The following SASH1 variants were observed in gnomAD, a reference collection of about 807,000 sequenced individuals.
SASH1 encodes the protein SAM and SH3 domain containing 1, also known as SAM and SH3 domain-containing protein 1.
Under a neutral mutation model 125.2 loss-of-function variants are expected in SASH1, and 44 were observed. The ratio of observed to expected loss-of-function variants is 0.35; its 90% CI spans 0.28 to 0.45. SASH1 has a LOEUF of 0.45. Among genes scored for constraint, SASH1 ranks in the 20% least tolerant of loss-of-function variants. The pLI, the probability that SASH1 is intolerant of heterozygous loss-of-function variation, is 1.00. For missense variants in SASH1, 1,426 were observed against 1,614.5 expected (o/e 0.88, Z 2.00); for synonymous variants, 639 against 649.1 (o/e 0.98, Z 0.24).
intron 1 of SASH1, among the ~76,000 whole-genome samples, chr6:148,344,916 C>T (rs944580954): frequency 1.2e-4 from 18 of 152,044 alleles, no homozygotes; most frequent in Non-Finnish European, 2.4e-4. Context: ...ACACCACACC[C>T]GGCTGATTTT....
At chr6:148,470,085 C>T (rs1203877634) in intron 5 of SASH1, among the ~76,000 whole-genome samples, 1 of 151,742 alleles carries the variant, frequency 6.6e-6, no homozygotes, top group African/African-American at 2.4e-5. Flanking sequence ...AATGAATATT[C>T]CCGAACTGTC....
At chr6:148,520,066 C>T (rs1026693056) in intron 10 of SASH1, 173 bp downstream of exon 10, 39 of 594,952 alleles carry the variant, frequency 6.6e-5, no homozygotes, top group African/African-American at 5.9e-4. Context: ...AAAGGCGTCA[C>T]CAGCACCACC....
intron 1 of SASH1, among the ~76,000 whole-genome samples, chr6:148,319,677 A>G (rs6936031): frequency 1.3e-5 from 2 of 151,784 alleles, no homozygotes; most frequent in Non-Finnish European, 2.9e-5. Flanking sequence ...ACCACGCCCA[A>G]CTAATTTTGT....
intron 1 of SASH1, among the ~76,000 whole-genome samples, chr6:148,317,707 G>A (rs1007449896): frequency 6.6e-6 from 1 of 152,188 alleles, no homozygotes; most frequent in Middle Eastern, 3.2e-3. Flanking sequence ...TTACAGTCGT[G>A]AGCCACGGCG....
intron 2 of SASH1, among the ~76,000 whole-genome samples, chr6:148,407,953 C>A (rs1784444627): frequency 2.0e-5 from 3 of 151,830 alleles, no homozygotes; most frequent in Non-Finnish European, 4.4e-5. Context: ...TTTTGAGGAA[C>A]CTCCATACTG....
intron 4 of SASH1, among the ~76,000 whole-genome samples, chr6:148,442,113 G>A (rs951266827): frequency 6.6e-6 from 1 of 152,162 alleles, no homozygotes; most frequent in African/African-American, 2.4e-5. Context: ...ATGGCTGGGT[G>A]CAGTGGCTCA....
At chr6:148,260,795 G>GTTTTT in the SASH1 span, among the ~76,000 whole-genome samples, 19 of 111,242 alleles carry the variant, frequency 1.7e-4, no homozygotes, top group South Asian at 2.8e-4. Flanking sequence ...TCCTATAAGG[G>GTTTTT]CTTTTTTTTT....
chr6:148,327,287 C>A lies in SASH1; in HGVS notation n.74+54910C>A, dbSNP rs183117281. On this transcript the variant is annotated intron_variant and non_coding_transcript_variant, in intron 1 of 3. Coordinates refer to the SASH1 transcript ENST00000367469. ...TGAATGACACATACAATATAAATTT[C>A]TTTTTTTTTTTTTTTGAGATGGAGT... Among the ~76,000 whole-genome samples the A allele has an allele frequency of 7.9e-3, 1,117 of 141,002 alleles. 12 individuals are homozygous for A. The highest frequency in any genetic ancestry group is 0.027 in the African/African-American group (1,045 of 38,672). The allele number at this position is 141,002 out of a possible 152,430, so 92.5% of individuals were successfully genotyped here.
At position 148,362,135 on chromosome 6, in the gene SASH1, G is replaced by T. The variant is rs373976672; in HGVS notation, c.156+18912G>T. 1.3e-4 allele frequency among the ~76,000 whole-genome samples: 19 copies of T among 151,502 alleles called. 1 individual carries two copies. Among genetic ancestry groups the T allele is most frequent in the Non-Finnish European group, 2.5e-4 (17 of 67,922 alleles). On this transcript the variant is annotated intron_variant, in intron 1 of 19. Transcript: ENST00000367467. ...GTAGAGACGGGGTTTCTCCGTGTTA[G>T]CCAGGATGGTCTCGATATCCTGACC...
At chr6:148,510,564 ATCTT>A (rs1284051150) in intron 8 of SASH1, among the ~76,000 whole-genome samples, 1 of 152,192 alleles carries the variant, frequency 6.6e-6, no homozygotes. Flanking sequence ...GATTTCCTCT[ATCTT>A]CTACGAAGTT....
the SASH1 span, among the ~76,000 whole-genome samples, chr6:148,244,196 G>A: frequency 1.3e-5 from 2 of 152,156 alleles, no homozygotes; most frequent in Non-Finnish European, 2.9e-5. Flanking sequence ...CTGCATCCAT[G>A]TGGCAAGGCC....
At chr6:148,341,194 AG>A (rs1464651240), upstream of SASH1, among the ~76,000 whole-genome samples, 2 of 152,022 alleles carry the variant, frequency 1.3e-5, no homozygotes, top group Non-Finnish European at 2.9e-5. Context: ...TCTGTCACCC[AG>A]GCTGGAGTGC....
chr6:148,407,806 T>C (rs1784437133), intron 2 of SASH1, among the ~76,000 whole-genome samples: 1 of 152,078 alleles, frequency 6.6e-6, no homozygotes, highest in South Asian at 2.1e-4. Context: ...CTAATTTTTG[T>C]ATTTTTGGTA....
In SASH1 at chr6:148,531,840, TGCA is replaced by T. The variant is rs556325875; in HGVS notation, c.1564+191_1564+193del. On this transcript the variant is annotated intron_variant, in intron 13 of 19. Transcript: ENST00000367467. ...AGTCGTGTTTGTTTATTAGTAGACATGCAGCAGCAGCAGCCCAAAACAGGAGGT... is the reference window on the plus strand; with the variant it reads ...AGTCGTGTTTGTTTATTAGTAGACATGCAGCAGCAGCCCAAAACAGGAGGT... Among the ~76,000 whole-genome samples, 37 of 144,504 alleles carry T rather than the reference TGCA, an allele frequency of 2.6e-4. 2 individuals are homozygous for T. In the South Asian group the frequency reaches 9.3e-3, roughly 36 times the overall value. The allele number at this position is 144,504 out of a possible 152,430, so 94.8% of individuals were successfully genotyped here. A position where few individuals can be genotyped will look rare whatever the true frequency, so the allele number is the denominator to read the frequency against.
chr6:148,334,982 A>C (rs1443212810), intron 1 of SASH1, among the ~76,000 whole-genome samples: 1 of 149,780 alleles, frequency 6.7e-6, no homozygotes, highest in Non-Finnish European at 1.5e-5. Flanking sequence ...TCAAAAAAAA[A>C]AAAAAAAGAA....
chr6:148,488,470 T>C (rs1337565059), intron 8 of SASH1, among the ~76,000 whole-genome samples: 1 of 152,252 alleles, frequency 6.6e-6, no homozygotes, highest in Non-Finnish European at 1.5e-5. Context: ...CAAGTATCTC[T>C]GAGTCTCTGC....
chr6:148,236,109 A>G, the SASH1 span, among the ~76,000 whole-genome samples: 3 of 152,168 alleles, frequency 2.0e-5, no homozygotes, highest in Admixed American at 1.3e-4. Context: ...GGGTGTGGGT[A>G]GGAAATGGTG....
At chr6:148,267,506 G>A (rs1392171803), upstream of SASH1, among the ~76,000 whole-genome samples, 13 of 152,102 alleles carry the variant, frequency 8.5e-5, no homozygotes, top group South Asian at 1.7e-3. Context: ...AGCCTCCCGA[G>A]TAGCTGGGAC....
chr6:148,321,390 TAA>T lies in SASH1; in HGVS notation n.74+49030_74+49031del, dbSNP rs10573800. On this transcript the variant is annotated intron_variant and non_coding_transcript_variant, in intron 1 of 3. Transcript: ENST00000367469. ...GGGTAACAAGAGTGAAACTCTGTCT[TAA>T]AAAAAAAAAAAAAAAAGTAATGGCA... Among the ~76,000 whole-genome samples the T allele has an allele frequency of 5.8e-3, 826 of 141,732 alleles. 3 individuals are homozygous for T. The highest frequency in any genetic ancestry group is 0.013 in the African/African-American group (484 of 38,128). 93.0% of individuals were successfully genotyped at this position (141,732 alleles called of 152,430 possible).
Sources: allele counts gnomAD v4.1 joint callset (sites outside exome capture counted in the v4.1 genomes callset), GRCh38; gene constraint gnomAD v4.1.1; transcripts MANE v1.5; gene names NCBI Gene and HGNC (gene_info 2026-07-23, HGNC 2026-07-21).